PPCDC: variants seen among roughly 807,000 people sequenced by gnomAD.
PPCDC encodes the protein phosphopantothenoylcysteine decarboxylase.
PPCDC carries 20 observed loss-of-function variants against 20.7 expected under a neutral mutation model. The observed-to-expected ratio is 0.97, with a 90% CI of 0.68 to 1.41. PPCDC has a LOEUF of 1.41. PPCDC is among the 40% of genes most tolerant of loss of function. PPCDC has a pLI of 0.00. For synonymous variants in PPCDC, 88 were observed against 100.3 expected (o/e 0.88, Z 0.73); for missense variants, 246 against 263.8 (o/e 0.93, Z 0.47).
intron 2 of PPCDC, among the ~76,000 whole-genome samples, chr15:75,030,143 G>A (rs2066004652): frequency 6.6e-6 from 1 of 152,236 alleles, no homozygotes; most frequent in Admixed American, 6.5e-5. Flanking sequence ...GCACTGAACT[G>A]GGAGGGAGGG....
chr15:75,045,314 G>C (rs1213677150), intron 4 of PPCDC: 1 of 152,424 alleles, frequency 6.6e-6, no homozygotes, highest in African/African-American at 2.4e-5. Flanking sequence ...GAAGGAGAAT[G>C]CCAGGCTTGA....
At chr15:75,031,239 C>T (rs763641362) in intron 2 of PPCDC, among the ~76,000 whole-genome samples, 20 of 152,146 alleles carry the variant, frequency 1.3e-4, no homozygotes, top group Non-Finnish European at 2.5e-4. Flanking sequence ...TCCTGGGGCT[C>T]AGGAGCTTCA....
At chr15:75,023,828 G>T (rs2065932234) in intron 1 of PPCDC, among the ~76,000 whole-genome samples, 1 of 152,196 alleles carries the variant, frequency 6.6e-6, no homozygotes, top group African/African-American at 2.4e-5. Flanking sequence ...CGGCTGTACG[G>T]GTGGGGCCGC....
chr15:75,047,679 C>T (rs1157529809), intron 4 of PPCDC, among the ~76,000 whole-genome samples: 1 of 152,214 alleles, frequency 6.6e-6, no homozygotes, highest in Non-Finnish European at 1.5e-5. Context: ...GCTTTGTAGC[C>T]ATTCTCACCT....
chr15:75,043,035 C>A (rs2066172734), intron 2 of PPCDC, among the ~76,000 whole-genome samples: 1 of 152,280 alleles, frequency 6.6e-6, no homozygotes, highest in African/African-American at 2.4e-5. Flanking sequence ...TGGCACAGAA[C>A]TCAGGACCTA....
chr15:75,042,248 C>G (rs1038778198), intron 2 of PPCDC, among the ~76,000 whole-genome samples: 1 of 152,146 alleles, frequency 6.6e-6, no homozygotes, highest in Admixed American at 6.5e-5. Flanking sequence ...AAACAAATGT[C>G]CTCTCCTGAT....
At chr15:75,030,922 G>A (rs2066013334) in intron 2 of PPCDC, among the ~76,000 whole-genome samples, 2 of 152,108 alleles carry the variant, frequency 1.3e-5, no homozygotes, top group South Asian at 2.1e-4. Context: ...GAGGGGTGGT[G>A]GAGAGACATG....
chr15:75,047,644 T>C (rs1867148), intron 4 of PPCDC, among the ~76,000 whole-genome samples: 82,229 of 151,688 alleles, frequency 0.54, 22,690 homozygotes, highest in East Asian at 0.82. Context: ...GGAGCCTGTG[T>C]TTTGTGCCTG....
At chr15:75,029,703 T>A (rs2065998474) in intron 2 of PPCDC, among the ~76,000 whole-genome samples, 1 of 152,124 alleles carries the variant, frequency 6.6e-6, no homozygotes, top group African/African-American at 2.4e-5. Flanking sequence ...CAGTGCTGCT[T>A]AGGCCCAGCC....
chr15:75,043,611 A>G (rs118072458), intron 3 of PPCDC, 75 bp downstream of exon 3: 3 of 1,295,024 alleles, frequency 2.3e-6, no homozygotes, highest in East Asian at 2.6e-5. Flanking sequence ...CCTACGGCCT[A>G]TGGTCTGGCA....
At chr15:75,029,496 A>C (rs1315141743) in intron 2 of PPCDC, among the ~76,000 whole-genome samples, 1 of 152,140 alleles carries the variant, frequency 6.6e-6, no homozygotes, top group Admixed American at 6.5e-5. Flanking sequence ...CCACGTGGTC[A>C]CATCAGCTGG....
intron 2 of PPCDC, among the ~76,000 whole-genome samples, chr15:75,041,353 G>C (rs1017485515): frequency 1.3e-5 from 2 of 152,178 alleles, no homozygotes; most frequent in Non-Finnish European, 2.9e-5. Flanking sequence ...CTCTAGGCTG[G>C]GCATGGTGGT....
At chr15:75,045,960 C>G (rs1033079468) in intron 4 of PPCDC, among the ~76,000 whole-genome samples, 1 of 151,382 alleles carries the variant, frequency 6.6e-6, no homozygotes, top group Non-Finnish European at 1.5e-5. Flanking sequence ...CCTATAACCC[C>G]AGCACTTTGG....
At chr15:75,048,299 G>A (rs2304900) in intron 4 of PPCDC, among the ~76,000 whole-genome samples, 16,762 of 152,184 alleles carry the variant, frequency 0.11, 1,059 homozygotes, top group Middle Eastern at 0.28. Flanking sequence ...TTAGGCACAG[G>A]GATACCTGCT....
chr15:75,034,832 A>G, intron 2 of PPCDC, among the ~76,000 whole-genome samples: 1 of 152,084 alleles, frequency 6.6e-6, no homozygotes, highest in East Asian at 1.9e-4. Context: ...AGGCATCATC[A>G]CGCCCTACTA....
At chr15:75,038,489 A>G (rs945556993) in intron 2 of PPCDC, among the ~76,000 whole-genome samples, 1 of 152,176 alleles carries the variant, frequency 6.6e-6, no homozygotes, top group African/African-American at 2.4e-5. Flanking sequence ...AACTGCTCAG[A>G]TACAGCCTGG....
rs189680669 is a variant in PPCDC, at chr15:75,036,484, C to G, written c.136-6957C>G. Among the ~76,000 whole-genome samples, 824 of 152,264 alleles carry G rather than the reference C, an allele frequency of 5.4e-3. 7 individuals carry two copies. The highest frequency in any genetic ancestry group is 0.019 in the African/African-American group (792 of 41,536). ...CTTCAGTGGGTCAGAGGTGGGGCATCAGGAAAGACCCGCCCATCACATACT... is the reference window on the plus strand; with the variant it reads ...CTTCAGTGGGTCAGAGGTGGGGCATGAGGAAAGACCCGCCCATCACATACT... On this transcript the variant is annotated intron_variant, in intron 2 of 5. Transcript: ENST00000342932.
At chr15:75,030,932 G>A (rs1160519176) in intron 2 of PPCDC, among the ~76,000 whole-genome samples, 2 of 152,130 alleles carry the variant, frequency 1.3e-5, no homozygotes, top group Admixed American at 6.5e-5. Context: ...GGAGAGACAT[G>A]GATTAGCCAC....
At position 75,028,363 on chromosome 15, in the gene PPCDC, G is replaced by A; in HGVS notation, c.45G>A (p.Glu15=). ...ASCPAAAPLM[E]RKFHVLVGVT... is the part of the protein sequence containing the mutation. ...GTCCAGCTGCTGCACCCTTGATGGA[G>A]AGAAAATTCCATGTTCTTGTGGGTG... is the stretch of plus-strand genomic sequence containing the variant. The change falls in exon 2 of 6, where the codon GAG becomes GAA. Residue 15 remains glutamate, a synonymous_variant. Transcript: ENST00000342932. 1 of 1,614,188 alleles carries A rather than the reference G, an allele frequency of 6.2e-7. No individual in the cohort carries two copies. Among genetic ancestry groups the A allele is most frequent in the Non-Finnish European group, 8.5e-7 (1 of 1,180,034 alleles).
Sources: gnomAD v4.1 joint callset for allele counts (sites outside exome capture counted in the v4.1 genomes callset) on GRCh38, gnomAD v4.1.1 for gene constraint, MANE v1.5 for transcripts, NCBI Gene and HGNC (gene_info 2026-07-23, HGNC 2026-07-21) for gene names.